Variants in ABI1 observed in about 807,000 individuals in gnomAD.
ABI1 encodes the protein Abelson interactor 1.
In ABI1, 14 loss-of-function variants were observed where a neutral mutation model predicts 54.6. The ratio of observed to expected loss-of-function variants is 0.26; its 90% confidence interval spans 0.17 to 0.40. ABI1 has a LOEUF of 0.40. Among genes scored for constraint, ABI1 ranks in the 10% least tolerant of loss-of-function variants. The pLI is 1.00. For synonymous variants in ABI1, 194 were observed against 209.3 expected (o/e 0.93, Z 0.63); for missense variants, 443 against 598.3 (o/e 0.74, Z 2.71).
chr10:26,767,819 G>A (rs748378796), intron 6 of ABI1, among the ~76,000 whole-genome samples: 6 of 152,100 alleles, frequency 3.9e-5, no homozygotes, highest in Non-Finnish European at 4.4e-5. Context: ...GGCCGAGGTG[G>A]GTGGATCACC....
At chr10:26,774,551 T>C (rs1457975937) in intron 3 of ABI1, among the ~76,000 whole-genome samples, 1 of 152,180 alleles carries the variant, frequency 6.6e-6, no homozygotes, top group African/African-American at 2.4e-5. Context: ...ACATATCTTA[T>C]TATTATTCCC....
intron 2 of ABI1, among the ~76,000 whole-genome samples, chr10:26,808,692 C>T (rs2047029403): frequency 6.6e-6 from 1 of 152,106 alleles, no homozygotes; most frequent in Non-Finnish European, 1.5e-5. Flanking sequence ...CACTGCACTC[C>T]AGCCTGGGTG....
At chr10:26,851,680 G>A (rs1474873173) in intron 1 of ABI1, among the ~76,000 whole-genome samples, 1 of 151,396 alleles carries the variant, frequency 6.6e-6, no homozygotes, top group Non-Finnish European at 1.5e-5. Context: ...AGGCAGGACA[G>A]GATATGACCC....
chr10:26,852,704 T>C (rs1416185195), intron 1 of ABI1, among the ~76,000 whole-genome samples: 1 of 152,292 alleles, frequency 6.6e-6, no homozygotes, highest in Non-Finnish European at 1.5e-5. Context: ...GTAGAAATTA[T>C]TAATAAAAAT....
rs559270263 is a variant in ABI1 at position 26,829,977 on chromosome 10, C to T, written c.118-6672G>A. 3.9e-5 allele frequency among the ~76,000 whole-genome samples: 6 copies of T among 152,294 alleles called. No homozygotes were observed. The East Asian group carries it at 5.8e-4, about 15-fold the overall frequency. On this transcript the variant is annotated intron_variant, in intron 1 of 10. Transcript: ENST00000376140. ...CCCTCATAACTCCCTCCCCATCCTC[C>T]GGACCCTGGAAACCACTGACTTCCT...
chr10:26,854,459 A>T (rs1373013412), intron 1 of ABI1, among the ~76,000 whole-genome samples: 1 of 151,844 alleles, frequency 6.6e-6, no homozygotes, highest in Non-Finnish European at 1.5e-5. Context: ...GAAGAAAAAA[A>T]AAAAGGAAAG....
chr10:26,786,480 A>C (rs975000943), intron 2 of ABI1, among the ~76,000 whole-genome samples: 1 of 152,044 alleles, frequency 6.6e-6, no homozygotes, highest in Non-Finnish European at 1.5e-5. Context: ...TCGGCCTCCT[A>C]AAGTGCTGGG....
intron 1 of ABI1, among the ~76,000 whole-genome samples, chr10:26,840,336 G>A (rs2049404494): frequency 6.6e-6 from 1 of 152,194 alleles, no homozygotes; most frequent in African/African-American, 2.4e-5. Context: ...GCTACAAGTA[G>A]AAGCAACTTG....
chr10:26,840,067 C>T (rs1010759491), intron 1 of ABI1, among the ~76,000 whole-genome samples: 1 of 152,116 alleles, frequency 6.6e-6, no homozygotes, highest in Non-Finnish European at 1.5e-5. Flanking sequence ...GTCCTTCCAT[C>T]GATTGTATTT....
At chr10:26,755,043 AG>A (rs1458666006) in intron 9 of ABI1, among the ~76,000 whole-genome samples, 2 of 152,234 alleles carry the variant, frequency 1.3e-5, no homozygotes, top group Non-Finnish European at 2.9e-5. Context: ...GCCTGGATGT[AG>A]CCAAAATGTG....
Position 26,747,692 on chromosome 10 carries a change from T to C in ABI1, c.*878A>G, listed in dbSNP as rs1016075807. ...TAAAAAAGGAATTCAGTAGATTGAC[T>C]TGTAAATAACCATTGCAGATTTTGA... On this transcript the variant is annotated 3_prime_UTR_variant, in exon 11 of 11. Transcript: ENST00000376140. 10 of 197,296 alleles carry C rather than the reference T, an allele frequency of 5.1e-5. No homozygotes were observed. The highest frequency in any genetic ancestry group is 2.3e-4 in the African/African-American group (10 of 43,264). The allele number at this position is 197,296 out of a possible 1,614,324, so 12.2% of individuals were successfully genotyped here. A position where few individuals can be genotyped will look rare whatever the true frequency, so the allele number is the denominator to read the frequency against.
At chr10:26,758,268 T>G (rs936029308) in intron 8 of ABI1, among the ~76,000 whole-genome samples, 7 of 152,080 alleles carry the variant, frequency 4.6e-5, no homozygotes, top group Non-Finnish European at 2.9e-5. Context: ...TAGGAAAGCT[T>G]GTCTCATTCT....
rs2049621743 is a variant in ABI1 at position 26,842,757 on chromosome 10, C to CCA, written c.117+17988_117+17989dup. On this transcript the variant is annotated intron_variant, in intron 1 of 10. Coordinates refer to ENST00000376140, the MANE Select transcript of ABI1 (RefSeq NM_001012750.3). ...CAGAGTACTACATAATAAATTAGAGCCACAAGAGGCTAGGCGCAGTGGCTC... is the reference window on the plus strand; with the variant it reads ...CAGAGTACTACATAATAAATTAGAGCCACACAAGAGGCTAGGCGCAGTGGCTC... Among the ~76,000 whole-genome samples the CCA allele has an allele frequency of 2.0e-5, 3 of 152,230 alleles. No homozygotes were observed. In the East Asian group the frequency reaches 5.8e-4, roughly 29 times the overall value.
In ABI1 at chr10:26,816,673, C is replaced by T. The variant is rs75409469; in HGVS notation, c.285+6465G>A. ...AATTCTCAATACCTCGAATGTTTTA[C>T]ATTATGGTATACTAAACATTAGCAT... On this transcript the variant is annotated intron_variant, in intron 2 of 10. Coordinates refer to ENST00000376140, the MANE Select transcript of ABI1 (RefSeq NM_001012750.3). 1.4e-3 allele frequency among the ~76,000 whole-genome samples: 208 copies of T among 152,288 alleles called. 2 individuals are homozygous for T. In the East Asian group the frequency reaches 0.03, roughly 22 times the overall value.
At chr10:26,811,622 T>C (rs1008652650) in intron 2 of ABI1, among the ~76,000 whole-genome samples, 2 of 152,108 alleles carry the variant, frequency 1.3e-5, no homozygotes, top group Non-Finnish European at 2.9e-5. Context: ...ACTTGAGAAA[T>C]TTTTCGTGTT....
chr10:26,797,066 T>A (rs932186490), intron 2 of ABI1, among the ~76,000 whole-genome samples: 3 of 152,146 alleles, frequency 2.0e-5, no homozygotes, highest in African/African-American at 7.2e-5. Context: ...AGCTCAGGGG[T>A]TGGGGACCCC....
intron 2 of ABI1, among the ~76,000 whole-genome samples, chr10:26,778,101 A>AT (rs1384797632): frequency 6.6e-6 from 1 of 152,108 alleles, no homozygotes; most frequent in African/African-American, 2.4e-5. Flanking sequence ...AGAGAGAATA[A>AT]CATCCTGCAG....
At position 26,767,548 on chromosome 10, in the gene ABI1, G is replaced by A. The variant is rs1271952881; in HGVS notation, c.719+1304C>T. On this transcript the variant is annotated intron_variant, in intron 6 of 10. Coordinates refer to ENST00000376140, the MANE Select transcript of ABI1 (RefSeq NM_001012750.3). The stretch of plus-strand genomic sequence containing the variant: ...GGCTATATTTTGGGGGAAGAAGGTC[G>A]AGGCGATAACCAGGAAGGAGCATGA... 8.5e-5 allele frequency among the ~76,000 whole-genome samples: 13 copies of A among 152,246 alleles called. No homozygotes were observed. In the East Asian group the frequency reaches 2.5e-3, roughly 29 times the overall value.
chr10:26,835,411 C>T (rs932270435), intron 1 of ABI1, among the ~76,000 whole-genome samples: 1 of 151,924 alleles, frequency 6.6e-6, no homozygotes, highest in African/African-American at 2.4e-5. Context: ...CTCGTCTCTA[C>T]AAAAAATTTA....
Sources: allele counts gnomAD v4.1 joint callset (sites outside exome capture counted in the v4.1 genomes callset), GRCh38; gene constraint gnomAD v4.1.1; transcripts MANE v1.5; gene names NCBI Gene and HGNC (gene_info 2026-07-23, HGNC 2026-07-21).